Variants in EXOC4 observed in about 807,000 individuals in gnomAD.
EXOC4 encodes the protein exocyst complex component 4, also known as SEC8-like 1.
In EXOC4, 71 loss-of-function variants were observed where a neutral mutation model predicts 107.2. The ratio of observed to expected loss-of-function variants is 0.66; its 90% CI spans 0.55 to 0.81. EXOC4 has a LOEUF of 0.81. EXOC4 is among the 30% of genes least tolerant of loss of function. The pLI is 0.00. For missense variants in EXOC4, 1,108 were observed against 1,189.6 expected (o/e 0.93, Z 1.01); for synonymous variants, 456 against 441.2 (o/e 1.03, Z -0.42).
intron 10 of EXOC4, among the ~76,000 whole-genome samples, chr7:133,759,639 A>G (rs1795993473): frequency 6.6e-6 from 1 of 152,174 alleles, no homozygotes; most frequent in African/African-American, 2.4e-5. Context: ...CACTGCATAT[A>G]AAGTTGTCAT....
chr7:133,452,157 C>A (rs1482323380), intron 7 of EXOC4, among the ~76,000 whole-genome samples: 1 of 151,872 alleles, frequency 6.6e-6, no homozygotes, highest in East Asian at 1.9e-4. Flanking sequence ...ATGGAAGGAA[C>A]CGAAGACAAA....
the EXOC4 span, among the ~76,000 whole-genome samples, chr7:134,098,301 G>A: frequency 3.9e-5 from 6 of 152,116 alleles, no homozygotes; most frequent in African/African-American, 1.4e-4. Flanking sequence ...ACATCAGAAA[G>A]GTCCTTACCC....
chr7:133,819,173 T>C (rs555373469), intron 11 of EXOC4, among the ~76,000 whole-genome samples: 4 of 152,236 alleles, frequency 2.6e-5, no homozygotes, highest in African/African-American at 9.6e-5. Context: ...TGTTACAACC[T>C]CTGGATGCCT....
rs868398452 is a variant in EXOC4 at position 133,508,990 on chromosome 7, C to T, written c.1417+28852C>T. ...TTTGGTCCTGAGCAATTTTAAAAGG[C>T]ACATAGTAGAAACTGCTGGTTGCTT... On this transcript the variant is annotated intron_variant, in intron 9 of 17. Coordinates refer to ENST00000253861, the MANE Select transcript of EXOC4 (RefSeq NM_021807.4). Among the ~76,000 whole-genome samples, 162 of 152,242 alleles carry T rather than the reference C, an allele frequency of 1.1e-3. 1 individual carries two copies. Among genetic ancestry groups the T allele is most frequent in the African/African-American group, 3.7e-3 (153 of 41,540 alleles).
intron 1 of EXOC4, among the ~76,000 whole-genome samples, chr7:133,266,865 AT>A (rs1417003713): frequency 6.6e-6 from 1 of 152,160 alleles, no homozygotes; most frequent in East Asian, 1.9e-4. Context: ...CTAGTTCAAA[AT>A]TTGCTTCCTT....
rs373869910 is a variant in EXOC4, at chr7:133,469,339, C to T, written c.1183-5989C>T. ...AGTGAGGCAGGAGAATCGCTTGAACCTGGGAGGTGGCGGATGCAGTGAGCC... is the reference window on the plus strand; with the variant it reads ...AGTGAGGCAGGAGAATCGCTTGAACTTGGGAGGTGGCGGATGCAGTGAGCC... On this transcript the variant is annotated intron_variant, in intron 7 of 17. Coordinates refer to ENST00000253861, the MANE Select transcript of EXOC4 (RefSeq NM_021807.4). Among the ~76,000 whole-genome samples the T allele has an allele frequency of 6.6e-4, 100 of 152,256 alleles. 1 individual carries two copies. Among genetic ancestry groups the T allele is most frequent in the African/African-American group, 2.2e-3 (92 of 41,554 alleles).
At chr7:133,471,412 C>CA (rs59230142) in intron 7 of EXOC4, among the ~76,000 whole-genome samples, 3,504 of 125,196 alleles carry the variant, frequency 0.028, 101 homozygotes, top group African/African-American at 0.077. Context: ...GACTTCATCT[C>CA]AAAAAAAAAA....
rs374010674 is a variant in EXOC4, at chr7:133,928,185, G to GA, written c.2028-9699dup. ...CTCTTTCATTTGAGGCTTAATGAAA[G>GA]AAAAAAATGCAATTCTTCCAAGGTA... On this transcript the variant is annotated intron_variant, in intron 13 of 17. Transcript: ENST00000253861. Among the ~76,000 whole-genome samples, 151 of 152,126 alleles carry GA rather than the reference G, an allele frequency of 9.9e-4. 1 individual carries two copies. Among genetic ancestry groups the GA allele is most frequent in the African/African-American group, 3.0e-3 (126 of 41,518 alleles).
intron 5 of EXOC4, among the ~76,000 whole-genome samples, chr7:133,322,565 C>T (rs1795138655): frequency 6.6e-6 from 1 of 152,088 alleles, no homozygotes; most frequent in South Asian, 2.1e-4. Context: ...CTGTTCTGTT[C>T]CATTCTTCTG....
At position 133,730,966 on chromosome 7, in the gene EXOC4, C is replaced by G. The variant is rs75044476; in HGVS notation, c.1515-86359C>G. On this transcript the variant is annotated intron_variant, in intron 10 of 17. Coordinates refer to ENST00000253861, the MANE Select transcript of EXOC4 (RefSeq NM_021807.4). Reference sequence around the variant, plus strand: ...CACAAGATTCACTTGATAATAGTTACAAAGTAAATCCAGTTCTTCAAATGG... The same window carrying G: ...CACAAGATTCACTTGATAATAGTTAGAAAGTAAATCCAGTTCTTCAAATGG... 1.5e-3 allele frequency among the ~76,000 whole-genome samples: 229 copies of G among 152,170 alleles called. 3 individuals are homozygous for G. The East Asian group carries it at 0.029, about 19-fold the overall frequency.
chr7:133,267,744 G>A (rs767721818), intron 1 of EXOC4, among the ~76,000 whole-genome samples: 5 of 152,178 alleles, frequency 3.3e-5, no homozygotes, highest in African/African-American at 7.2e-5. Flanking sequence ...AGGGTCACGA[G>A]CAACTATTTG....
intron 12 of EXOC4, among the ~76,000 whole-genome samples, chr7:133,901,416 G>A (rs983971761): frequency 5.3e-4 from 80 of 152,010 alleles, no homozygotes; most frequent in African/African-American, 1.9e-3. Context: ...AGTGCCTCAG[G>A]AGTTCATATG....
chr7:133,299,395 T>A (rs1234259796), intron 3 of EXOC4, among the ~76,000 whole-genome samples: 1 of 152,134 alleles, frequency 6.6e-6, no homozygotes. Context: ...TGGCTGTTGC[T>A]ACTTTAGGAG....
chr7:134,026,546 G>A (rs763522035), intron 17 of EXOC4, among the ~76,000 whole-genome samples: 3 of 150,910 alleles, frequency 2.0e-5, no homozygotes, highest in Admixed American at 6.7e-5. Flanking sequence ...AAACAAAAAC[G>A]AGATAATCCC....
At chr7:133,786,077 G>A (rs1425232604) in intron 10 of EXOC4, among the ~76,000 whole-genome samples, 1 of 152,096 alleles carries the variant, frequency 6.6e-6, no homozygotes, top group African/African-American at 2.4e-5. Context: ...TCAATAAAGG[G>A]TTCTATTTGG....
intron 9 of EXOC4, chr7:133,483,947 G>A (rs549733315): frequency 2.3e-6 from 3 of 1,313,876 alleles, no homozygotes; most frequent in Non-Finnish European, 3.3e-6. Context: ...GAGACTAAGG[G>A]AAGATTTTTG....
intron 17 of EXOC4, among the ~76,000 whole-genome samples, chr7:134,051,576 G>A (rs573525078): frequency 3.3e-5 from 5 of 152,084 alleles, no homozygotes; most frequent in South Asian, 2.1e-4. Flanking sequence ...GGAGGCTGAG[G>A]CAGAGAATTG....
chr7:133,465,778 T>C (rs1355145618), intron 7 of EXOC4, among the ~76,000 whole-genome samples: 1 of 152,186 alleles, frequency 6.6e-6, no homozygotes, highest in Non-Finnish European at 1.5e-5. Flanking sequence ...AACTTCTGAA[T>C]ATACCATGGG....
At chr7:134,023,439 TTTA>T (rs1184645682) in intron 17 of EXOC4, among the ~76,000 whole-genome samples, 1 of 152,170 alleles carries the variant, frequency 6.6e-6, no homozygotes, top group Non-Finnish European at 1.5e-5. Flanking sequence ...TTTATATTAC[TTTA>T]TTATTTTTAA....
Sources: allele counts gnomAD v4.1 joint callset (sites outside exome capture counted in the v4.1 genomes callset), GRCh38; gene constraint gnomAD v4.1.1; transcripts MANE v1.5; gene names NCBI Gene and HGNC (gene_info 2026-07-23, HGNC 2026-07-21).